The following HPGD variants were observed in gnomAD, a reference collection of about 807,000 sequenced individuals.
HPGD encodes the protein 15-hydroxyprostaglandin dehydrogenase [NAD(+)].
HPGD carries 29 observed loss-of-function variants against 30.0 expected under a neutral mutation model. That is an observed-to-expected ratio of 0.97 (90% CI 0.72 to 1.32). The LOEUF is 1.32. Among genes scored for constraint, HPGD ranks in the 40% most tolerant of loss-of-function variants. The pLI is 0.00. For synonymous variants in HPGD, 99 were observed against 112.4 expected, an observed-to-expected ratio of 0.88 and a Z score of 0.75; for missense variants, 340 against 322.1, an observed-to-expected ratio of 1.06 and a Z score of -0.43.
At position 174,492,125 on chromosome 4, in the gene HPGD, G is replaced by A. The variant is rs180786088; in HGVS notation, c.663-31C>T. 4.0e-4 allele frequency: 632 copies of A among 1,595,070 alleles called. 1 individual carries two copies. In the African/African-American group the frequency reaches 7.1e-3, roughly 18 times the overall value. Reference sequence around the variant, plus strand: ...AATAAAGAAAACAGTATTTTGAAACGAAAGAATGAGGCATATTACCACTTC... The same window carrying A: ...AATAAAGAAAACAGTATTTTGAAACAAAAGAATGAGGCATATTACCACTTC... On this transcript the variant is annotated intron_variant, in intron 6 of 6. Transcript: ENST00000296522. This position sits in a 1 kb window ranked among gnomAD's most constrained non-coding sequence, Gnocchi z 4.9.
Position 174,491,698 on chromosome 4 carries a change from T to A in HPGD, c.*258A>T, listed in dbSNP as rs1734351327. 1 of 422,446 alleles carries A rather than the reference T, an allele frequency of 2.4e-6. No individual in the cohort carries two copies. Among genetic ancestry groups the A allele is most frequent in the African/African-American group, 2.0e-5 (1 of 50,278 alleles). 26.2% of individuals were successfully genotyped at this position (422,446 alleles called of 1,614,324 possible). A position where few individuals can be genotyped will look rare whatever the true frequency, so the allele number is the denominator to read the frequency against. ...TTCTGAAAGGCAGAATATTGAATAT[T>A]CCTTGAAAATCATTTGTTTTGATCA... On this transcript the variant is annotated 3_prime_UTR_variant, in exon 7 of 7. Coordinates refer to ENST00000296522, the MANE Select transcript of HPGD (RefSeq NM_000860.6).
intron 2 of HPGD, among the ~76,000 whole-genome samples, chr4:174,518,543 A>G (rs1297891914): frequency 1.3e-5 from 2 of 152,158 alleles, no homozygotes; most frequent in Non-Finnish European, 2.9e-5. Flanking sequence ...TAAATTCATA[A>G]AGTGTTATGT....
At chr4:174,495,931 C>A in intron 4 of HPGD, 1 of 336,448 alleles carries the variant, frequency 3.0e-6, no homozygotes, top group Non-Finnish European at 5.6e-6. Context: ...GTATCTAAAA[C>A]ACAAAGAAAA....
At chr4:174,521,561 T>G (rs1736122801) in intron 2 of HPGD, among the ~76,000 whole-genome samples, 1 of 152,260 alleles carries the variant, frequency 6.6e-6, no homozygotes. Flanking sequence ...GTCATTGGAC[T>G]CCAGCTTTCT....
chr4:174,499,039 G>T (rs1312578312), intron 4 of HPGD, among the ~76,000 whole-genome samples: 1 of 152,122 alleles, frequency 6.6e-6, no homozygotes, highest in African/African-American at 2.4e-5. Context: ...TTCAGGATTG[G>T]TTAACCACGC....
Position 174,506,272 on chromosome 4 carries a change from G to A in HPGD, c.421+2424C>T, listed in dbSNP as rs1403447428. ...ACTGGAAGTATCAAATGGGGCAAAA[G>A]CTTAAGATTTCACTGAAGGTTTAGT... On this transcript the variant is annotated intron_variant, in intron 4 of 6. Transcript: ENST00000296522. 2.0e-5 allele frequency among the ~76,000 whole-genome samples: 3 copies of A among 152,268 alleles called. No homozygotes were observed. In the East Asian group the frequency reaches 5.8e-4, roughly 29 times the overall value.
intron 4 of HPGD, among the ~76,000 whole-genome samples, chr4:174,505,459 AC>A (rs1735137727): frequency 6.6e-6 from 1 of 152,124 alleles, no homozygotes; most frequent in African/African-American, 2.4e-5. Flanking sequence ...TTGTGCTCTC[AC>A]CTCTTCCTAC....
chr4:174,509,092 A>G (rs1371046140), intron 3 of HPGD, among the ~76,000 whole-genome samples: 1 of 152,166 alleles, frequency 6.6e-6, no homozygotes. Context: ...AATTCTCAAC[A>G]TCTTCAATAA....
At chr4:174,495,737 T>C in intron 4 of HPGD, 113 bp from the exon 5 acceptor site, 1 of 771,230 alleles carries the variant, frequency 1.3e-6, no homozygotes, top group Non-Finnish European at 2.2e-6. Context: ...AAGATGAATC[T>C]GAATAACACA....
chr4:174,496,331 A>G lies in HPGD; in HGVS notation c.422-707T>C, dbSNP rs1435901278. Among the ~76,000 whole-genome samples, 1 of 152,122 alleles carries G rather than the reference A, an allele frequency of 6.6e-6. No homozygotes were observed. The highest frequency in any genetic ancestry group is 1.5e-5 in the Non-Finnish European group (1 of 68,024). On this transcript the variant is annotated intron_variant, in intron 4 of 6. Coordinates refer to ENST00000296522, the MANE Select transcript of HPGD (RefSeq NM_000860.6). The surrounding 1 kb of genome is among the most constrained non-coding windows in gnomAD (Gnocchi z 4.6). ...TGTTTTATTTTGTAATTTTCCACAT[A>G]TGCACAACAGTAACTGATTAAATTC...
At chr4:174,517,585 A>G (rs1560989075) in intron 3 of HPGD, among the ~76,000 whole-genome samples, 1 of 152,292 alleles carries the variant, frequency 6.6e-6, no homozygotes, top group East Asian at 1.9e-4. Context: ...ATGGACACTG[A>G]AAGTTGAATT....
chr4:174,511,097 TATGAGAGAAATAAAATAACAG>T (rs1230563463), intron 3 of HPGD, among the ~76,000 whole-genome samples: 1 of 152,018 alleles, frequency 6.6e-6, no homozygotes, highest in East Asian at 1.9e-4. Context: ...GGAAGCTCAA[TATGAGAGAAATAAAATAACAG>T]TTTATAAATT....
In HPGD at chr4:174,521,947, T is replaced by C. The variant is rs1231801706; in HGVS notation, c.214A>G (p.Arg72Gly). Residue 72 changes from arginine (R) to glycine (G), a missense_variant, in exon 2 of 7, where the codon AGA (arginine) becomes GGA (glycine). Physicochemically the swap from Arg to Gly is moderately radical, Grantham distance 125 (BLOSUM62 -2). Transcript: ENST00000296522. ...QCDVADQQQL[R>G]DTFRKVVDHF... ...CAGATTGATTCCCCTGTCTTACCTC[T>C]CAGTTGTTGCTGGTCAGCCACATCG... 6.2e-7 allele frequency: 1 copy of C among 1,614,158 alleles called. No homozygotes were observed. Among genetic ancestry groups the C allele is most frequent in the Non-Finnish European group, 8.5e-7 (1 of 1,180,000 alleles).
intron 4 of HPGD, among the ~76,000 whole-genome samples, chr4:174,505,615 C>T (rs1735147807): frequency 6.6e-6 from 1 of 151,804 alleles, no homozygotes; most frequent in African/African-American, 2.4e-5. Flanking sequence ...ATTGGAGGCT[C>T]TCCGTTGGTG....
rs45616137 is a variant in HPGD, at chr4:174,517,336, A to C, written c.324+635T>G. ...AGGATAAAAAGTCCTACTAATTACAAAGTTCGATTGTCACTTTAATTTTGT... is the reference window on the plus strand; with the variant it reads ...AGGATAAAAAGTCCTACTAATTACACAGTTCGATTGTCACTTTAATTTTGT... On this transcript the variant is annotated intron_variant, in intron 3 of 6. Coordinates refer to ENST00000296522, the MANE Select transcript of HPGD (RefSeq NM_000860.6). 1.8e-3 allele frequency among the ~76,000 whole-genome samples: 267 copies of C among 152,062 alleles called. 2 individuals are homozygous for C. Among genetic ancestry groups the C allele is most frequent in the African/African-American group, 5.8e-3 (239 of 41,536 alleles).
rs1734584106 is a variant in HPGD at position 174,496,157 on chromosome 4, A to G, written c.422-533T>C. Among the ~76,000 whole-genome samples the G allele has an allele frequency of 6.6e-6, 1 of 152,220 alleles. No individual in the cohort carries two copies. The highest frequency in any genetic ancestry group is 2.1e-4 in the South Asian group (1 of 4,830). ...GCCTCCAAAAGTTTAAGAAAATTAAAAGTTAACTTCTTCTTTTTATTTGAT... is the reference window on the plus strand; with the variant it reads ...GCCTCCAAAAGTTTAAGAAAATTAAGAGTTAACTTCTTCTTTTTATTTGAT... On this transcript the variant is annotated intron_variant, in intron 4 of 6. Coordinates refer to ENST00000296522, the MANE Select transcript of HPGD (RefSeq NM_000860.6). This position sits in a 1 kb window ranked among gnomAD's most constrained non-coding sequence, Gnocchi z 4.6.
intron 5 of HPGD, among the ~76,000 whole-genome samples, chr4:174,495,031 C>T (rs1277659378): frequency 6.6e-6 from 1 of 152,186 alleles, no homozygotes; most frequent in Non-Finnish European, 1.5e-5. Context: ...TCACCTCATG[C>T]TGTCAATGCA....
At position 174,521,959 on chromosome 4, in the gene HPGD, G is replaced by C; in HGVS notation, c.202C>G (p.Gln68Glu). The change falls in exon 2 of 7, where the codon CAG becomes GAG. Residue 68 changes from glutamine (Q) to glutamate (E), a missense_variant. By Grantham distance (29) the Gln-to-Glu change is conservative. Coordinates refer to ENST00000296522, the MANE Select transcript of HPGD (RefSeq NM_000860.6). ...CCTGTCTTACCTCTCAGTTGTTGCTGGTCAGCCACATCGCACTGGATGAAC... is the reference window on the plus strand; with the variant it reads ...CCTGTCTTACCTCTCAGTTGTTGCTCGTCAGCCACATCGCACTGGATGAAC... ...TLFIQCDVAD[Q>E]QQLRDTFRKV... The C allele has an allele frequency of 6.2e-7, 1 of 1,614,042 alleles. No individual in the cohort carries two copies. The highest frequency in any genetic ancestry group is 8.5e-7 in the Non-Finnish European group (1 of 1,179,946).
In HPGD at chr4:174,494,802, GTCT is replaced by G. The variant is rs2110774780; in HGVS notation, c.498+743_498+745del. Among the ~76,000 whole-genome samples, 1 of 152,164 alleles carries G rather than the reference GTCT, an allele frequency of 6.6e-6. No homozygotes were observed. Among genetic ancestry groups the G allele is most frequent in the African/African-American group, 2.4e-5 (1 of 41,512 alleles). On this transcript the variant is annotated intron_variant, in intron 5 of 6. Transcript: ENST00000296522. This position sits in a 1 kb window ranked among gnomAD's most constrained non-coding sequence, Gnocchi z 4.9. ...ACAATTTGCAAAAGCAGACAGAATG[GTCT>G]TCTTAAAAAGGAAATCTGATCTTAT...
Sources: gnomAD v4.1 joint callset for allele counts (sites outside exome capture counted in the v4.1 genomes callset) on GRCh38, gnomAD v4.1.1 for gene constraint, Gnocchi (gnomAD v3.1) non-coding constraint, MANE v1.5 for transcripts, NCBI Gene and HGNC (gene_info 2026-07-23, HGNC 2026-07-21) for gene names.